The following ARID5B variants were observed in gnomAD, a reference collection of about 807,000 sequenced individuals.
The protein encoded by ARID5B is AT-rich interaction domain 5B.
In ARID5B, 13 loss-of-function variants were observed where a neutral mutation model predicts 97.2. That is an observed-to-expected ratio of 0.13 (90% CI 0.09 to 0.21). The LOEUF (loss-of-function observed/expected upper bound fraction) is 0.21, where lower values mean the gene tolerates loss of function less well. Among genes scored for constraint, ARID5B ranks in the 10% least tolerant of loss-of-function variants. ARID5B has a pLI of 1.00. For missense variants in ARID5B, 1,210 were observed against 1,465.3 expected, an observed-to-expected ratio of 0.83 and a Z score of 2.84; for synonymous variants, 556 against 570.3, an observed-to-expected ratio of 0.97 and a Z score of 0.36.
chr10:62,046,663 G>T (rs566507652), intron 4 of ARID5B: 1 of 152,332 alleles, frequency 6.6e-6, no homozygotes, highest in African/African-American at 2.4e-5. Context: ...AAGAGGAACA[G>T]ATGGGCAGTC....
At chr10:62,072,850 T>G (rs1403192688) in intron 8 of ARID5B, among the ~76,000 whole-genome samples, 1 of 152,234 alleles carries the variant, frequency 6.6e-6, no homozygotes, top group African/African-American at 2.4e-5. Flanking sequence ...CCGTTCTAGA[T>G]GTCTTCCTTT....
intron 2 of ARID5B, among the ~76,000 whole-genome samples, chr10:61,934,203 G>A (rs1433808218): frequency 6.6e-6 from 1 of 152,176 alleles, no homozygotes; most frequent in African/African-American, 2.4e-5. Context: ...ATTGAAGAGA[G>A]TTAGGGCCCT....
chr10:62,070,650 G>A (rs1338201583), intron 8 of ARID5B, among the ~76,000 whole-genome samples: 3 of 152,074 alleles, frequency 2.0e-5, no homozygotes, highest in Non-Finnish European at 4.4e-5. Context: ...CTTTAGTATG[G>A]CCGTTCAACA....
intron 4 of ARID5B, among the ~76,000 whole-genome samples, chr10:62,039,573 A>G (rs1466277119): frequency 6.6e-6 from 1 of 152,210 alleles, no homozygotes; most frequent in African/African-American, 2.4e-5. Flanking sequence ...ACAGGAATCA[A>G]AAAGTGAGGA....
chr10:61,936,557 G>A (rs547646125), intron 2 of ARID5B, among the ~76,000 whole-genome samples: 1 of 152,348 alleles, frequency 6.6e-6, no homozygotes, highest in Admixed American at 6.5e-5. Context: ...GGCAGAGGTT[G>A]CAGGAGCTGA....
chr10:62,039,053 G>A (rs1180955316), intron 4 of ARID5B, among the ~76,000 whole-genome samples: 1 of 152,158 alleles, frequency 6.6e-6, no homozygotes, highest in Admixed American at 6.5e-5. Flanking sequence ...GCCCAAATAA[G>A]GATCCCTTTT....
At chr10:62,051,931 A>C (rs756789133) in intron 5 of ARID5B, among the ~76,000 whole-genome samples, 15 of 152,324 alleles carry the variant, frequency 9.8e-5, no homozygotes, top group Non-Finnish European at 1.8e-4. Context: ...TAGAAAAAAA[A>C]AAACATGAGT....
intron 3 of ARID5B, among the ~76,000 whole-genome samples, chr10:61,979,280 A>G (rs911685761): frequency 7.2e-5 from 11 of 152,248 alleles, no homozygotes; most frequent in Non-Finnish European, 1.6e-4. Context: ...ATTGTGGAAC[A>G]GTTATTTAAA....
chr10:62,091,404 G>C lies in ARID5B; in HGVS notation c.1941G>C (p.Lys647Asn). 2 of 1,613,510 alleles carry C rather than the reference G, an allele frequency of 1.2e-6. No homozygotes were observed. The highest frequency in any genetic ancestry group is 1.7e-6 in the Non-Finnish European group (2 of 1,179,594). Residue 647 changes from lysine (K) to asparagine (N), a missense_variant, in exon 10 of 10, where the codon AAG (lysine) becomes AAC (asparagine). Transcript: ENST00000279873. The stretch of plus-strand genomic sequence containing the variant: ...ACAATGCGCTCAAGCAGACCCCAAA[G>C]GTCCTTGTGGTCCAGTCGTTTGACA... ...DIHNALKQTP[K>N]VLVVQSFDMF...
chr10:61,933,177 C>A (rs1312967304), intron 2 of ARID5B, among the ~76,000 whole-genome samples: 1 of 152,230 alleles, frequency 6.6e-6, no homozygotes, highest in African/African-American at 2.4e-5. Context: ...TAAGAAGTAG[C>A]TCCTCTTCAT....
At chr10:61,959,163 A>T (rs923667850) in intron 3 of ARID5B, among the ~76,000 whole-genome samples, 2 of 152,264 alleles carry the variant, frequency 1.3e-5, no homozygotes, top group African/African-American at 4.8e-5. Context: ...GAACCTTTCC[A>T]TGAAAATGTC....
chr10:62,051,021 G>A, intron 5 of ARID5B, 21 bp downstream of exon 5: 5 of 1,583,928 alleles, frequency 3.2e-6, no homozygotes, highest in Non-Finnish European at 4.3e-6. Context: ...TCACTCCACG[G>A]TATTCATTTC....
At chr10:61,967,340 C>T (rs147847570) in intron 3 of ARID5B, among the ~76,000 whole-genome samples, 160 of 152,288 alleles carry the variant, frequency 1.1e-3, no homozygotes, top group Non-Finnish European at 1.8e-3. Flanking sequence ...CTTATCTTAC[C>T]GGTCAATATT....
At chr10:62,011,945 C>A (rs571593842) in intron 4 of ARID5B, among the ~76,000 whole-genome samples, 1 of 152,114 alleles carries the variant, frequency 6.6e-6, no homozygotes, top group Non-Finnish European at 1.5e-5. Context: ...TAACCAGAAT[C>A]TTCCATAAAC....
chr10:61,968,187 TACACACACAC>T lies in ARID5B; in HGVS notation c.502+27797_502+27806del, dbSNP rs33990104. On this transcript the variant is annotated intron_variant, in intron 3 of 9. Coordinates refer to ENST00000279873, the MANE Select transcript of ARID5B (RefSeq NM_032199.3). ...AAGTCAGCACACACACACATATTTA[TACACACACAC>T]ACACACACACACACACAAACACAGT... Among the ~76,000 whole-genome samples, 1,228 of 138,280 alleles carry T rather than the reference TACACACACAC, an allele frequency of 8.9e-3. 18 individuals carry two copies. The highest frequency in any genetic ancestry group is 0.031 in the African/African-American group (1,126 of 36,540). 90.7% of individuals were successfully genotyped at this position (138,280 alleles called of 152,430 possible).
chr10:62,027,185 G>C (rs1839431466), intron 4 of ARID5B, among the ~76,000 whole-genome samples: 1 of 150,220 alleles, frequency 6.7e-6, no homozygotes, highest in African/African-American at 2.5e-5. Flanking sequence ...GCCCCATCTG[G>C]CCACAGCTCC....
intron 4 of ARID5B, among the ~76,000 whole-genome samples, chr10:62,002,867 T>C (rs1476103194): frequency 1.3e-5 from 2 of 152,170 alleles, no homozygotes; most frequent in African/African-American, 4.8e-5. Flanking sequence ...ACACGTTTGG[T>C]GACTTCAGTA....
chr10:61,913,874 C>T (rs931186792), intron 2 of ARID5B, among the ~76,000 whole-genome samples: 2 of 152,186 alleles, frequency 1.3e-5, no homozygotes, highest in African/African-American at 4.8e-5. Context: ...GCCTCAGCCT[C>T]CTGAGTAGCT....
chr10:62,088,367 G>A (rs1840320374), intron 9 of ARID5B, among the ~76,000 whole-genome samples: 1 of 152,242 alleles, frequency 6.6e-6, no homozygotes, highest in Non-Finnish European at 1.5e-5. Context: ...CAAGGGGACA[G>A]CTGACCGTTG....
Sources: allele counts gnomAD v4.1 joint callset (sites outside exome capture counted in the v4.1 genomes callset), GRCh38; gene constraint gnomAD v4.1.1; transcripts MANE v1.5; gene names NCBI Gene and HGNC (gene_info 2026-07-23, HGNC 2026-07-21).